TULP3: variants seen among roughly 807,000 people sequenced by gnomAD.
The protein encoded by TULP3 is tubby-related protein 3.
A neutral mutation model predicts 50.7 loss-of-function variants in TULP3; 38 were observed. That is an observed-to-expected ratio of 0.75 (90% CI 0.58 to 0.98). TULP3 has a LOEUF of 0.98. TULP3 is among the 50% of genes least tolerant of loss of function. TULP3 has a pLI of 0.00. For missense variants in TULP3, 550 were observed against 568.0 expected, an observed-to-expected ratio of 0.97 and a Z score of 0.32; for synonymous variants, 183 against 196.6, an observed-to-expected ratio of 0.93 and a Z score of 0.58.
rs770995642 is a variant in TULP3 at position 2,922,324 on chromosome 12, T to G, written c.316T>G (p.Ser106Ala). The change falls in exon 4 of 11, where the codon TCT becomes GCT. Residue 106 changes from serine to alanine, a missense_variant. Ser to Ala is a moderately conservative substitution (Grantham distance 99, BLOSUM62 1). Transcript: ENST00000448120. ...AGTTCATGCTCCATCAGTAAGCTCC[T>G]CTGTTGTGGAAGAAGATGCTGAAAA... Reference protein sequence around the residue: ...DEVHAPSVSSSVVEEDAENTV... With the variant: ...DEVHAPSVSSAVVEEDAENTV... 1.2e-6 allele frequency: 2 copies of G among 1,614,202 alleles called. No homozygotes were observed. Among genetic ancestry groups the G allele is most frequent in the East Asian group, 2.2e-5 (1 of 44,882 alleles).
At chr12:2,923,648 C>CA (rs561072422) in intron 4 of TULP3, among the ~76,000 whole-genome samples, 1,990 of 71,594 alleles carry the variant, frequency 0.028, 35 homozygotes, top group African/African-American at 0.084. Context: ...TGAAACTTCT[C>CA]AAAAAAAAAA....
rs769548953 is a variant in TULP3 at position 2,890,923 on chromosome 12, G to A, written c.-25G>A. 3 of 1,590,356 alleles carry A rather than the reference G, an allele frequency of 1.9e-6. No homozygotes were observed. The highest frequency in any genetic ancestry group is 3.5e-5 in the Admixed American group (2 of 57,138). ...CGACGGCGGGGAAGAGTGTGTACGT[G>A]GTGGGGGCTTCCTCGGTGGCGGGCA... is the stretch of plus-strand genomic sequence containing the variant. On this transcript the variant is annotated 5_prime_UTR_variant, in exon 1 of 11. Coordinates refer to ENST00000448120, the MANE Select transcript of TULP3 (RefSeq NM_003324.5).
chr12:2,900,133 G>C (rs1049534727), intron 1 of TULP3, among the ~76,000 whole-genome samples: 3 of 152,088 alleles, frequency 2.0e-5, no homozygotes, highest in Non-Finnish European at 4.4e-5. Flanking sequence ...TGAGGCAGGA[G>C]AATAGCTTGA....
intron 6 of TULP3, among the ~76,000 whole-genome samples, chr12:2,932,385 C>T (rs916173131): frequency 6.6e-6 from 1 of 151,878 alleles, no homozygotes; most frequent in South Asian, 2.1e-4. Context: ...TCGAGACCAG[C>T]TTGGCTAACA....
chr12:2,940,407 T>C lies in TULP3; in HGVS notation c.*963T>C. Reference sequence around the variant, plus strand: ...GCACTGCTGGCCCGTGTGGCAGAGCTGTGGACTTTCTTCTCGGCTCCCTCA... The same window carrying C: ...GCACTGCTGGCCCGTGTGGCAGAGCCGTGGACTTTCTTCTCGGCTCCCTCA... On this transcript the variant is annotated 3_prime_UTR_variant, in exon 11 of 11. Transcript: ENST00000448120. The C allele has an allele frequency of 2.1e-6, 3 of 1,459,450 alleles. No homozygotes were observed. Among genetic ancestry groups the C allele is most frequent in the Non-Finnish European group, 9.0e-7 (1 of 1,108,776 alleles). The allele number at this position is 1,459,450 out of a possible 1,614,324, so 90.4% of individuals were successfully genotyped here. A position where few individuals can be genotyped will look rare whatever the true frequency, so the allele number is the denominator to read the frequency against.
At chr12:2,907,641 C>CT (rs1434236856) in intron 1 of TULP3, among the ~76,000 whole-genome samples, 1 of 132,070 alleles carries the variant, frequency 7.6e-6, no homozygotes, top group African/African-American at 3.1e-5. Flanking sequence ...GAGAGAGACT[C>CT]TGTCTCAAAA....
intron 1 of TULP3, among the ~76,000 whole-genome samples, chr12:2,894,183 C>T (rs1029167178): frequency 4.0e-5 from 6 of 150,754 alleles, no homozygotes; most frequent in South Asian, 4.2e-4. Flanking sequence ...AAATCCCAGT[C>T]GGTGGTTTGT....
intron 6 of TULP3, 38 bp from the exon 7 acceptor site, chr12:2,933,380 T>C: frequency 2.8e-6 from 4 of 1,411,742 alleles, no homozygotes; most frequent in Non-Finnish European, 4.0e-6. Context: ...GCAGGTTCTC[T>C]GGACTTCATT....
intron 10 of TULP3, among the ~76,000 whole-genome samples, chr12:2,938,579 T>C (rs750111402): frequency 1.3e-5 from 2 of 151,954 alleles, no homozygotes; most frequent in Non-Finnish European, 2.9e-5. Context: ...GCAGATCGCT[T>C]GAGACCAGCC....
At chr12:2,910,102 C>G (rs1190520439) in intron 2 of TULP3, among the ~76,000 whole-genome samples, 1 of 152,154 alleles carries the variant, frequency 6.6e-6, no homozygotes, top group Non-Finnish European at 1.5e-5. Context: ...ACCATCCTGA[C>G]TAACACGGTG....
At chr12:2,920,383 C>T (rs2098190956) in intron 2 of TULP3, among the ~76,000 whole-genome samples, 1 of 152,078 alleles carries the variant, frequency 6.6e-6, no homozygotes, top group Non-Finnish European at 1.5e-5. Flanking sequence ...GTAGCACACA[C>T]CTGTAGTCCC....
chr12:2,938,395 G>A (rs956213005), intron 10 of TULP3, 110 bp downstream of exon 10: 1 of 1,240,076 alleles, frequency 8.1e-7, no homozygotes, highest in Non-Finnish European at 1.1e-6. Context: ...GATAATCATG[G>A]AGGAGAGACA....
chr12:2,926,737 C>T (rs775723319), intron 4 of TULP3, among the ~76,000 whole-genome samples: 2 of 148,420 alleles, frequency 1.3e-5, no homozygotes, highest in African/African-American at 2.5e-5. Context: ...TCCGTTTCCA[C>T]TAAAAATTCA....
At chr12:2,917,595 T>C (rs1156872059) in intron 2 of TULP3, among the ~76,000 whole-genome samples, 3 of 152,026 alleles carry the variant, frequency 2.0e-5, no homozygotes, top group Admixed American at 1.3e-4. Context: ...ATATTTTCCT[T>C]GGCCAGGTAC....
At chr12:2,920,948 C>A in intron 3 of TULP3, 26 bp downstream of exon 3, 1 of 1,610,466 alleles carries the variant, frequency 6.2e-7, no homozygotes, top group Non-Finnish European at 8.5e-7. Context: ...GCATCACTTC[C>A]TAGTGGGGTA....
intron 4 of TULP3, among the ~76,000 whole-genome samples, chr12:2,928,805 C>T (rs1156728222): frequency 6.6e-6 from 1 of 151,532 alleles, no homozygotes; most frequent in African/African-American, 2.4e-5. Flanking sequence ...ATTAGCTGGG[C>T]TTCGTGGCGC....
intron 1 of TULP3, among the ~76,000 whole-genome samples, chr12:2,895,875 T>G (rs889342191): frequency 1.3e-5 from 2 of 151,714 alleles, no homozygotes; most frequent in Non-Finnish European, 2.9e-5. Flanking sequence ...GTACTGAATA[T>G]TGTAGGCAAT....
intron 1 of TULP3, among the ~76,000 whole-genome samples, chr12:2,907,034 TA>T (rs139793950): frequency 0.024 from 3,630 of 151,848 alleles, 66 homozygotes; most frequent in Non-Finnish European, 0.036. Context: ...TGCAGAACTT[TA>T]AAAAATTTAT....
chr12:2,926,145 A>G (rs2098194533), intron 4 of TULP3, among the ~76,000 whole-genome samples: 1 of 152,206 alleles, frequency 6.6e-6, no homozygotes, highest in Non-Finnish European at 1.5e-5. Context: ...AAGCATAGTA[A>G]TAGGTGAAGA....
Sources: allele counts gnomAD v4.1 joint callset (sites outside exome capture counted in the v4.1 genomes callset), GRCh38; gene constraint gnomAD v4.1.1; transcripts MANE v1.5; gene names NCBI Gene and HGNC (gene_info 2026-07-23, HGNC 2026-07-21).